The following CDYL2 variants were observed in gnomAD, a reference collection of about 807,000 sequenced individuals.
CDYL2 encodes the protein chromodomain Y like 2.
A neutral mutation model predicts 49.4 loss-of-function variants in CDYL2; 23 were observed. The observed-to-expected ratio is 0.47, with a 90% CI of 0.34 to 0.66. The LOEUF is 0.66. Ranked by LOEUF, CDYL2 falls within the 30% of genes least tolerant of loss-of-function variation. CDYL2 has a pLI of 0.01. For missense variants in CDYL2, 678 were observed against 656.4 expected (o/e 1.03, Z -0.36); for synonymous variants, 360 against 268.8 (o/e 1.34, Z -3.32).
At chr16:80,752,060 T>C (rs964607172) in intron 1 of CDYL2, among the ~76,000 whole-genome samples, 1 of 151,922 alleles carries the variant, frequency 6.6e-6, no homozygotes, top group Non-Finnish European at 1.5e-5. Context: ...AAATATAACC[T>C]TTAAAATAAC....
intron 2 of CDYL2, among the ~76,000 whole-genome samples, chr16:80,658,551 G>A (rs913839466): frequency 2.6e-5 from 4 of 152,116 alleles, no homozygotes; most frequent in Admixed American, 6.5e-5. Flanking sequence ...ATATGATATT[G>A]TGGAGAAATA....
At chr16:80,716,871 A>C (rs1234204496) in intron 1 of CDYL2, among the ~76,000 whole-genome samples, 1 of 151,846 alleles carries the variant, frequency 6.6e-6, no homozygotes, top group Non-Finnish European at 1.5e-5. Flanking sequence ...GTATGGATGG[A>C]TGGATGACTG....
At chr16:80,788,718 A>C (rs756601329) in intron 1 of CDYL2, among the ~76,000 whole-genome samples, 1 of 152,244 alleles carries the variant, frequency 6.6e-6, no homozygotes, top group Admixed American at 6.5e-5. Context: ...GAATTAATTT[A>C]TGAATCATAA....
intron 1 of CDYL2, among the ~76,000 whole-genome samples, chr16:80,761,114 TG>T (rs563826002): frequency 2.0e-5 from 3 of 152,198 alleles, no homozygotes; most frequent in African/African-American, 7.2e-5. Flanking sequence ...ATCACCTGGC[TG>T]GGGGGAGACT....
chr16:80,663,315 A>ACTCAT (rs150831686), intron 2 of CDYL2, among the ~76,000 whole-genome samples: 4,178 of 151,402 alleles, frequency 0.028, 80 homozygotes, highest in Non-Finnish European at 0.043. Context: ...AAAAGAGAAG[A>ACTCAT]CTCATCAGTT....
At chr16:80,703,468 C>T (rs181809544) in intron 1 of CDYL2, among the ~76,000 whole-genome samples, 3 of 152,246 alleles carry the variant, frequency 2.0e-5, no homozygotes, top group African/African-American at 7.2e-5. Context: ...CTACCAACCT[C>T]GTCACTGGTC....
rs1347005898 is a variant in CDYL2 at position 80,603,266 on chromosome 16, C to G, written c.*1122G>C. On this transcript the variant is annotated 3_prime_UTR_variant, in exon 7 of 7. Coordinates refer to ENST00000570137, the MANE Select transcript of CDYL2 (RefSeq NM_152342.4). The stretch of plus-strand genomic sequence containing the variant: ...TTGCCCCAAAGAAAGAAGTCTTATT[C>G]TAGACAGTATGCTATTCTCAGGTAG... 2 of 152,166 alleles carry G rather than the reference C, an allele frequency of 1.3e-5. No homozygotes were observed. The highest frequency in any genetic ancestry group is 6.5e-5 in the Admixed American group (1 of 15,276). The allele number at this position is 152,166 out of a possible 1,614,324, so 9.4% of individuals were successfully genotyped here. A position where few individuals can be genotyped will look rare whatever the true frequency, so the allele number is the denominator to read the frequency against.
At chr16:80,743,936 G>A (rs965123784) in intron 1 of CDYL2, among the ~76,000 whole-genome samples, 2 of 152,014 alleles carry the variant, frequency 1.3e-5, no homozygotes, top group African/African-American at 2.4e-5. Flanking sequence ...TGGTGGGACT[G>A]TACTATTCCT....
intron 1 of CDYL2, among the ~76,000 whole-genome samples, chr16:80,771,385 A>C (rs1410848557): frequency 6.6e-6 from 1 of 152,206 alleles, no homozygotes; most frequent in Non-Finnish European, 1.5e-5. Flanking sequence ...CAATGAACTA[A>C]AAGTCAACAA....
chr16:80,750,743 G>C (rs34645828), intron 1 of CDYL2, among the ~76,000 whole-genome samples: 14,354 of 152,258 alleles, frequency 0.094, 903 homozygotes, highest in African/African-American at 0.18. Flanking sequence ...TTTCAGGCTG[G>C]GCGCAGTGGC....
At chr16:80,639,640 A>T (rs1205789039) in intron 2 of CDYL2, 2 of 454,186 alleles carry the variant, frequency 4.4e-6, no homozygotes, top group Non-Finnish European at 8.8e-6. Context: ...AAATACCTTC[A>T]TAAGAACAAA....
At chr16:80,701,393 T>G (rs921743916) in intron 1 of CDYL2, among the ~76,000 whole-genome samples, 1 of 148,782 alleles carries the variant, frequency 6.7e-6, no homozygotes, top group African/African-American at 2.4e-5. Flanking sequence ...TCTATTCAAA[T>G]TCTTCTGTAA....
chr16:80,659,126 CAGAT>C (rs1317045262), intron 2 of CDYL2, among the ~76,000 whole-genome samples: 1 of 151,888 alleles, frequency 6.6e-6, no homozygotes, highest in African/African-American at 2.4e-5. Context: ...GATGAACAGA[CAGAT>C]GAGATGGATA....
chr16:80,759,051 G>A (rs1028901265), intron 1 of CDYL2, among the ~76,000 whole-genome samples: 20 of 135,054 alleles, frequency 1.5e-4, no homozygotes, highest in Admixed American at 1.0e-3. Context: ...TAAGACATAT[G>A]ACCCCATATG....
chr16:80,762,233 G>C (rs1167462407), intron 1 of CDYL2, among the ~76,000 whole-genome samples: 1 of 152,126 alleles, frequency 6.6e-6, no homozygotes, highest in Non-Finnish European at 1.5e-5. Context: ...CTATTGTCCA[G>C]AAGCGCTAGG....
chr16:80,712,403 C>A (rs1567581238), intron 1 of CDYL2, among the ~76,000 whole-genome samples: 1 of 151,848 alleles, frequency 6.6e-6, no homozygotes, highest in Non-Finnish European at 1.5e-5. Context: ...CTGGTCTATT[C>A]GTCAATGTCA....
chr16:80,663,502 C>T (rs996026219), intron 2 of CDYL2, among the ~76,000 whole-genome samples: 2 of 152,074 alleles, frequency 1.3e-5, no homozygotes, highest in African/African-American at 4.8e-5. Flanking sequence ...CCATACACTT[C>T]GAATTTTAAG....
intron 1 of CDYL2, among the ~76,000 whole-genome samples, chr16:80,714,096 T>G (rs1252858269): frequency 6.6e-6 from 1 of 152,180 alleles, no homozygotes. Context: ...TTAACACTAC[T>G]AATTTATAGG....
intron 2 of CDYL2, among the ~76,000 whole-genome samples, chr16:80,672,360 G>GAGAGAC (rs1466438470): frequency 6.9e-6 from 1 of 143,956 alleles, no homozygotes; most frequent in Admixed American, 6.9e-5. Flanking sequence ...CACAGAGAGA[G>GAGAGAC]AGAGAGAGAT....
Sources: allele counts gnomAD v4.1 joint callset (sites outside exome capture counted in the v4.1 genomes callset), GRCh38; gene constraint gnomAD v4.1.1; transcripts MANE v1.5; gene names NCBI Gene and HGNC (gene_info 2026-07-23, HGNC 2026-07-21).